The following PRKG1 variants were observed in gnomAD, a reference collection of about 807,000 sequenced individuals.
PRKG1 encodes the protein protein kinase cGMP-dependent 1.
Under a neutral mutation model 88.1 loss-of-function variants are expected in PRKG1, and 35 were observed. The ratio of observed to expected loss-of-function variants is 0.40; its 90% CI spans 0.30 to 0.53. PRKG1 has a LOEUF of 0.53. Among genes scored for constraint, PRKG1 ranks in the 20% least tolerant of loss-of-function variants. PRKG1 has a pLI of 0.59. For missense variants in PRKG1, 540 were observed against 839.8 expected (o/e 0.64, Z 4.41); for synonymous variants, 303 against 292.5 (o/e 1.04, Z -0.37).
chr10:51,283,767 G>A (rs180875162), intron 2 of PRKG1, among the ~76,000 whole-genome samples: 70 of 152,194 alleles, frequency 4.6e-4, no homozygotes, highest in African/African-American at 1.7e-3. Flanking sequence ...TTGTGTTATA[G>A]CTAAGTGAAA....
chr10:51,298,380 A>C (rs972207322), intron 2 of PRKG1, among the ~76,000 whole-genome samples: 1 of 152,222 alleles, frequency 6.6e-6, no homozygotes, highest in African/African-American at 2.4e-5. Context: ...CTGATTAAAA[A>C]TTCCAGCTCC....
At chr10:51,820,982 T>G (rs1839729707) in intron 4 of PRKG1, among the ~76,000 whole-genome samples, 1 of 152,204 alleles carries the variant, frequency 6.6e-6, no homozygotes, top group South Asian at 2.1e-4. Context: ...TCCACTTCTT[T>G]GGAAGGCCCT....
chr10:51,780,423 A>G (rs1838556665), intron 3 of PRKG1, among the ~76,000 whole-genome samples: 1 of 152,152 alleles, frequency 6.6e-6, no homozygotes. Flanking sequence ...GGTAAATCAC[A>G]TATTTTTCTG....
intron 4 of PRKG1, among the ~76,000 whole-genome samples, chr10:51,826,999 A>T (rs1214838767): frequency 6.6e-6 from 1 of 152,224 alleles, no homozygotes; most frequent in Non-Finnish European, 1.5e-5. Flanking sequence ...TATATTGTAC[A>T]GTCCATTAAC....
At chr10:51,104,775 G>C (rs975180098) in intron 1 of PRKG1, among the ~76,000 whole-genome samples, 1 of 150,916 alleles carries the variant, frequency 6.6e-6, no homozygotes, top group Admixed American at 6.6e-5. Context: ...TGTTGCCCAG[G>C]CTGGAGTGCA....
intron 2 of PRKG1, among the ~76,000 whole-genome samples, chr10:51,262,297 A>G (rs981376269): frequency 1.3e-5 from 2 of 152,216 alleles, no homozygotes; most frequent in Non-Finnish European, 2.9e-5. Context: ...AAAATAATGC[A>G]TAGACTGATA....
chr10:51,603,180 C>A (rs1333457989), intron 3 of PRKG1, among the ~76,000 whole-genome samples: 1 of 151,930 alleles, frequency 6.6e-6, no homozygotes, highest in African/African-American at 2.4e-5. Context: ...CTGGTCTCGA[C>A]CTCCTGACCT....
intron 4 of PRKG1, among the ~76,000 whole-genome samples, chr10:51,885,916 G>C (rs1188327565): frequency 6.6e-6 from 1 of 152,132 alleles, no homozygotes; most frequent in Non-Finnish European, 1.5e-5. Flanking sequence ...TTCTAAGCTG[G>C]AAGGTATGAA....
At chr10:51,349,790 A>T (rs924411131) in intron 2 of PRKG1, among the ~76,000 whole-genome samples, 6 of 152,138 alleles carry the variant, frequency 3.9e-5, no homozygotes, top group African/African-American at 1.4e-4. Context: ...TACAGATGTG[A>T]ACCACATACA....
intron 9 of PRKG1, among the ~76,000 whole-genome samples, chr10:52,233,801 T>A (rs1320088959): frequency 6.6e-6 from 1 of 151,772 alleles, no homozygotes; most frequent in Non-Finnish European, 1.5e-5. Flanking sequence ...TCGAACTGGG[T>A]GGAGCCCACC....
intron 1 of PRKG1, among the ~76,000 whole-genome samples, chr10:51,137,700 T>C (rs1193513457): frequency 6.6e-6 from 1 of 152,154 alleles, no homozygotes; most frequent in African/African-American, 2.4e-5. Flanking sequence ...ACAAATCCCA[T>C]TGAAAGTTGG....
chr10:51,804,722 T>C, intron 4 of PRKG1, 32 bp downstream of exon 4: 1 of 1,434,142 alleles, frequency 7.0e-7, no homozygotes. Flanking sequence ...TGTGAGAGTG[T>C]TTACTTTCCT....
At chr10:51,233,865 T>A (rs997011054) in intron 2 of PRKG1, among the ~76,000 whole-genome samples, 23 of 152,172 alleles carry the variant, frequency 1.5e-4, no homozygotes, top group African/African-American at 5.5e-4. Context: ...CTGTGGGTAG[T>A]AGGTATGAAT....
chr10:51,880,114 T>G (rs1841401359), intron 4 of PRKG1, among the ~76,000 whole-genome samples: 3 of 152,250 alleles, frequency 2.0e-5, no homozygotes, highest in Admixed American at 2.0e-4. Flanking sequence ...CAAGAAAATT[T>G]TATTGTATTT....
At chr10:52,075,445 A>G (rs940934860) in intron 7 of PRKG1, among the ~76,000 whole-genome samples, 3 of 152,172 alleles carry the variant, frequency 2.0e-5, no homozygotes, top group Non-Finnish European at 4.4e-5. Flanking sequence ...ATTTATATGA[A>G]CAATTTAGAA....
intron 3 of PRKG1, among the ~76,000 whole-genome samples, chr10:51,680,852 G>T (rs1840834246): frequency 1.3e-5 from 2 of 152,178 alleles, no homozygotes; most frequent in Admixed American, 6.5e-5. Context: ...AATCCTCATT[G>T]CTTGTAACAT....
intron 9 of PRKG1, among the ~76,000 whole-genome samples, chr10:52,206,236 A>T (rs1295037818): frequency 6.6e-6 from 1 of 152,106 alleles, no homozygotes; most frequent in Non-Finnish European, 1.5e-5. Flanking sequence ...AAATTCCTGT[A>T]GTGTGTCCTT....
At chr10:51,838,203 T>C (rs1310666015) in intron 4 of PRKG1, among the ~76,000 whole-genome samples, 1 of 152,044 alleles carries the variant, frequency 6.6e-6, no homozygotes, top group Non-Finnish European at 1.5e-5. Flanking sequence ...CATTCAAGGG[T>C]GTATAGCTAA....
At chr10:51,111,434 G>A (rs1844977149) in intron 1 of PRKG1, among the ~76,000 whole-genome samples, 1 of 152,082 alleles carries the variant, frequency 6.6e-6, no homozygotes, top group Admixed American at 6.6e-5. Context: ...TTACCCTGTT[G>A]ATTTTTGGAG....
Sources: gnomAD v4.1 joint callset for allele counts (sites outside exome capture counted in the v4.1 genomes callset) on GRCh38, gnomAD v4.1.1 for gene constraint, MANE v1.5 for transcripts, NCBI Gene and HGNC (gene_info 2026-07-23, HGNC 2026-07-21) for gene names.